Variants in PKHD1 observed in about 807,000 individuals in gnomAD.
PKHD1 encodes the protein PKHD1 ciliary IPT domain containing fibrocystin/polyductin.
Under a neutral mutation model 412.0 loss-of-function variants are expected in PKHD1, and 291 were observed. The observed-to-expected ratio is 0.71, with a 90% confidence interval of 0.64 to 0.78. The LOEUF is 0.78. Among genes scored for constraint, PKHD1 ranks in the 30% least tolerant of loss-of-function variants. PKHD1 has a pLI of 0.00. For synonymous variants in PKHD1, 1,777 were observed against 1,821.5 expected (o/e 0.98, Z 0.62); for missense variants, 4,825 against 4,950.7 (o/e 0.97, Z 0.76).
chr6:51,795,957 A>G (rs953733889), intron 52 of PKHD1, among the ~76,000 whole-genome samples: 5 of 152,178 alleles, frequency 3.3e-5, no homozygotes, highest in Admixed American at 6.5e-5. Context: ...ATTGGTGTTC[A>G]TCAATAATAT....
chr6:52,052,163 G>C (rs778581038), intron 21 of PKHD1, among the ~76,000 whole-genome samples: 10 of 152,140 alleles, frequency 6.6e-5, no homozygotes, highest in Non-Finnish European at 1.0e-4. Context: ...TTCTTGGAGA[G>C]GGAAATAAAC....
intron 37 of PKHD1, among the ~76,000 whole-genome samples, chr6:51,916,469 A>G (rs1452339803): frequency 2.0e-5 from 3 of 152,176 alleles, no homozygotes; most frequent in Non-Finnish European, 4.4e-5. Flanking sequence ...GGTAATAGAT[A>G]TCAGCACAAA....
intron 6 of PKHD1, among the ~76,000 whole-genome samples, chr6:52,075,768 A>C (rs1328139408): frequency 6.6e-6 from 1 of 152,160 alleles, no homozygotes; most frequent in Non-Finnish European, 1.5e-5. Flanking sequence ...GTCTGGTTCA[A>C]ATCTCAGCTG....
chr6:51,928,841 G>C (rs981650435), intron 37 of PKHD1, among the ~76,000 whole-genome samples: 1 of 152,152 alleles, frequency 6.6e-6, no homozygotes, highest in Non-Finnish European at 1.5e-5. Flanking sequence ...GACCCTTGAA[G>C]ACAGTCACGT....
At chr6:51,954,384 G>A (rs1467381471) in intron 36 of PKHD1, among the ~76,000 whole-genome samples, 2 of 152,060 alleles carry the variant, frequency 1.3e-5, no homozygotes, top group African/African-American at 4.8e-5. Flanking sequence ...CACAGAGCTG[G>A]GAAGTAGTGG....
rs146995662 is a variant in PKHD1, at chr6:51,953,343, C to T, written c.5908+6527G>A. 4.4e-4 allele frequency among the ~76,000 whole-genome samples: 67 copies of T among 152,132 alleles called. No homozygotes were observed. In the East Asian group the frequency reaches 0.013, roughly 29 times the overall value. ...TATCATATTTTTATCAAAATTACTG[C>T]CTTCCTTCAGATTTTGTTTTATCCT... On this transcript the variant is annotated intron_variant, in intron 36 of 66. Coordinates refer to ENST00000371117, the MANE Select transcript of PKHD1 (RefSeq NM_138694.4).
chr6:51,691,483 G>T lies in PKHD1; in HGVS notation c.10157-31514C>A, dbSNP rs560547669. On this transcript the variant is annotated intron_variant, in intron 60 of 66. Coordinates refer to ENST00000371117, the MANE Select transcript of PKHD1 (RefSeq NM_138694.4). Reference sequence around the variant, plus strand: ...TGGAATACTATGTAGCCACAAAAAAGAATGAGATCATGTGCTTTGCAAGGA... The same window carrying T: ...TGGAATACTATGTAGCCACAAAAAATAATGAGATCATGTGCTTTGCAAGGA... 4.1e-4 allele frequency among the ~76,000 whole-genome samples: 62 copies of T among 152,260 alleles called. 1 individual carries two copies. The highest frequency in any genetic ancestry group is 1.4e-3 in the African/African-American group (58 of 41,558).
At chr6:51,889,781 G>A (rs144848972) in intron 43 of PKHD1, among the ~76,000 whole-genome samples, 18 of 152,070 alleles carry the variant, frequency 1.2e-4, no homozygotes, top group African/African-American at 3.1e-4. Context: ...GGTTACTAAC[G>A]TTCCTAGGAG....
Position 51,748,004 on chromosome 6 carries a change from G to T in PKHD1, c.9612C>A (p.Val3204=). 2 of 1,614,114 alleles carry T rather than the reference G, an allele frequency of 1.2e-6. No individual in the cohort carries two copies. The highest frequency in any genetic ancestry group is 1.7e-6 in the Non-Finnish European group (2 of 1,179,978). ...KKVQIVLRNS[V]IVATSSSFDC... The stretch of plus-strand genomic sequence containing the variant: ...CAAAAGAAGAGCTGGTGGCCACAAT[G>T]ACTGAATTCCTAAGCACAATCTGCA... Residue 3204 remains valine, a synonymous_variant, in exon 58 of 67, where the codon GTC becomes GTA. Transcript: ENST00000371117.
intron 35 of PKHD1, among the ~76,000 whole-genome samples, chr6:51,972,700 C>A (rs1025309655): frequency 6.6e-6 from 1 of 152,178 alleles, no homozygotes; most frequent in Non-Finnish European, 1.5e-5. Context: ...GCTCTTAGAG[C>A]CCAGTTTCAA....
At position 51,639,057 on chromosome 6, in the gene PKHD1, A is replaced by C. The variant is rs935615338; in HGVS notation, c.11399-101T>G. ...GCAGACATTTGGACAATAAAGGACAATTTTTTAAACTCAAAGAGGTTACCT... is the reference window on the plus strand; with the variant it reads ...GCAGACATTTGGACAATAAAGGACACTTTTTTAAACTCAAAGAGGTTACCT... On this transcript the variant is annotated intron_variant, in intron 63 of 66. Coordinates refer to ENST00000371117, the MANE Select transcript of PKHD1 (RefSeq NM_138694.4). 3 of 915,324 alleles carry C rather than the reference A, an allele frequency of 3.3e-6. 1 individual carries two copies. The South Asian group carries it at 4.0e-5, about 12-fold the overall frequency. 56.7% of individuals were successfully genotyped at this position (915,324 alleles called of 1,614,324 possible). A position where few individuals can be genotyped will look rare whatever the true frequency, so the allele number is the denominator to read the frequency against.
chr6:51,941,509 C>G (rs1400691294), intron 36 of PKHD1, among the ~76,000 whole-genome samples: 4 of 150,906 alleles, frequency 2.7e-5, no homozygotes, highest in African/African-American at 7.3e-5. Flanking sequence ...CCCGCCTCGG[C>G]CTCCCAAAGT....
intron 23 of PKHD1, 125 bp downstream of exon 23, chr6:52,048,367 T>C: frequency 2.0e-6 from 2 of 1,022,070 alleles, no homozygotes; most frequent in East Asian, 2.4e-5. Context: ...TTTCAGACAC[T>C]GGAAAATAAA....
intron 55 of PKHD1, among the ~76,000 whole-genome samples, chr6:51,760,991 A>G (rs961162461): frequency 6.6e-6 from 1 of 152,166 alleles, no homozygotes. Flanking sequence ...GTAGAAATGT[A>G]AATTAGTACA....
At chr6:51,955,726 A>G (rs1490589661) in intron 36 of PKHD1, among the ~76,000 whole-genome samples, 1 of 152,096 alleles carries the variant, frequency 6.6e-6, no homozygotes, top group Non-Finnish European at 1.5e-5. Context: ...TACTTCATGT[A>G]GAATGTATTC....
intron 52 of PKHD1, among the ~76,000 whole-genome samples, chr6:51,795,282 T>A (rs773037979): frequency 6.6e-6 from 1 of 152,188 alleles, no homozygotes; most frequent in African/African-American, 2.4e-5. Context: ...TTACTCTTCT[T>A]GTGGCAATTG....
At chr6:51,793,164 C>CA (rs1313245880) in intron 52 of PKHD1, among the ~76,000 whole-genome samples, 1 of 152,034 alleles carries the variant, frequency 6.6e-6, no homozygotes, top group African/African-American at 2.4e-5. Context: ...GCTAAACAGA[C>CA]AAAAATAAAT....
At chr6:51,691,616 A>T (rs1238760650) in intron 60 of PKHD1, among the ~76,000 whole-genome samples, 1 of 152,176 alleles carries the variant, frequency 6.6e-6, no homozygotes, top group Non-Finnish European at 1.5e-5. Context: ...GGGAACACAC[A>T]GACACGTAGA....
rs777910113 is a variant in PKHD1, at chr6:52,025,113, G to A, written c.4697C>T (p.Ser1566Phe). 4 of 1,614,130 alleles carry A rather than the reference G, an allele frequency of 2.5e-6. No individual in the cohort carries two copies. The highest frequency in any genetic ancestry group is 1.7e-6 in the Non-Finnish European group (2 of 1,180,016). ...TTGGGGCATAATGTAGAAGTGTCTG[G>A]AAACATTACCAGAACAAGCATACCC... ...RNGYACSGNV[S>F]RHFYIMPQVF... The change falls in exon 32 of 67, where the codon TCC becomes TTC. Residue 1566 changes from serine to phenylalanine, a missense_variant. Transcript: ENST00000371117.
Sources: allele counts gnomAD v4.1 joint callset (sites outside exome capture counted in the v4.1 genomes callset), GRCh38; gene constraint gnomAD v4.1.1; transcripts MANE v1.5; gene names NCBI Gene and HGNC (gene_info 2026-07-23, HGNC 2026-07-21).